OVCH1: variants seen among roughly 807,000 people sequenced by gnomAD.
OVCH1 encodes ovochymase-1.
In OVCH1, 139 loss-of-function variants were observed where a neutral mutation model predicts 138.4. The ratio of observed to expected loss-of-function variants is 1.00; its 90% CI spans 0.87 to 1.16. The LOEUF is 1.16. Among genes scored for constraint, OVCH1 ranks in the 50% most tolerant of loss-of-function variants. The pLI is 0.00. For missense variants in OVCH1, 1,367 were observed against 1,357.9 expected (o/e 1.01, Z -0.11); for synonymous variants, 453 against 467.8 (o/e 0.97, Z 0.41).
At chr12:29,473,079 T>C in exon 15 of OVCH1, 1 of 1,610,002 alleles carries the variant, frequency 6.2e-7, no homozygotes, top group Admixed American at 1.7e-5. Context: ...GGGAGGTAAC[T>C]TTGGTTCAAA....
At chr12:29,417,785 G>GTC (rs1424073502) in intron 3 of OVCH1, among the ~76,000 whole-genome samples, 3 of 142,606 alleles carry the variant, frequency 2.1e-5, no homozygotes, top group Admixed American at 7.3e-5. Context: ...GTGTGTGTGT[G>GTC]TGTGTGTGTC....
intron 27 of OVCH1, among the ~76,000 whole-genome samples, chr12:29,429,719 A>C (rs576633699): frequency 9.9e-5 from 15 of 152,228 alleles, no homozygotes; most frequent in Non-Finnish European, 1.8e-4. Flanking sequence ...GATAATCAAG[A>C]GATGTGATCT....
At chr12:29,420,902 T>C (rs944823220) in intron 3 of OVCH1, among the ~76,000 whole-genome samples, 1 of 152,276 alleles carries the variant, frequency 6.6e-6, no homozygotes, top group Non-Finnish European at 1.5e-5. Flanking sequence ...TGTTCATTGA[T>C]TTGCAAGGTG....
chr12:29,454,137 T>C (rs971493887), intron 21 of OVCH1, among the ~76,000 whole-genome samples: 1 of 150,120 alleles, frequency 6.7e-6, no homozygotes, highest in Admixed American at 6.6e-5. Context: ...ATAGATGATA[T>C]GTACTTTGCT....
the OVCH1 span, among the ~76,000 whole-genome samples, chr12:29,406,503 T>G: frequency 7.3e-6 from 1 of 137,500 alleles, no homozygotes; most frequent in African/African-American, 2.5e-5. Flanking sequence ...CCCCTTCCTG[T>G]GTCCATATGT....
chr12:29,484,632 A>T (rs1262232095), intron 8 of OVCH1, among the ~76,000 whole-genome samples, 81 bp downstream of exon 9: 1 of 152,128 alleles, frequency 6.6e-6, no homozygotes, highest in Non-Finnish European at 1.5e-5. Flanking sequence ...TCAAAAAAAA[A>T]TTGCTGAAGT....
At chr12:29,402,875 A>G in the OVCH1 span, among the ~76,000 whole-genome samples, 1 of 152,012 alleles carries the variant, frequency 6.6e-6, no homozygotes, top group Non-Finnish European at 1.5e-5. Flanking sequence ...AGAGAAAGAG[A>G]GTGAGAAAAG....
In OVCH1 at chr12:29,443,438, G is replaced by A. The variant is rs199557586; in HGVS notation, c.3080C>T (p.Pro1027Leu). 261 of 1,611,054 alleles carry A rather than the reference G, an allele frequency of 1.6e-4. 2 individuals carry two copies. The African/African-American group carries it at 2.9e-3, about 18-fold the overall frequency. Residue 1027 changes from proline to leucine, a missense_variant, in exon 25 of 28, where the codon CCG (proline) becomes CTG (leucine). Coordinates refer to ENST00000318184, the Ensembl canonical transcript of OVCH1. ...ACAGACAAAAGTTGTTGGCTTCATC[G>A]GGAAGTTAATAATATTAAGCTGAAT...
chr12:29,497,591 C>G, intron 1 of OVCH1, 32 bp downstream of exon 1: 1 of 1,612,070 alleles, frequency 6.2e-7, no homozygotes, highest in Non-Finnish European at 8.5e-7. Context: ...CAGCCTCCTC[C>G]GCAGTCCTGG....
chr12:29,481,616 T>C (rs551199937), intron 8 of OVCH1, among the ~76,000 whole-genome samples: 2 of 152,330 alleles, frequency 1.3e-5, no homozygotes, highest in African/African-American at 4.8e-5. Context: ...CTCTTTTCAA[T>C]GCCAAACCTT....
chr12:29,496,221 G>C (rs761206410), exon 3 of OVCH1: 1 of 1,609,356 alleles, frequency 6.2e-7, no homozygotes, highest in African/African-American at 1.3e-5. Context: ...GTAACAACCC[G>C]ATCTTCTTGA....
intron 19 of OVCH1, chr12:29,461,591 G>C (rs1942132731): frequency 5.8e-6 from 3 of 514,530 alleles, no homozygotes; most frequent in Non-Finnish European, 1.1e-5. Context: ...TAGAAGCTCT[G>C]CCATTTCCTG....
At chr12:29,406,559 GGTTTTTTGTTCTTGTGATA>G in the OVCH1 span, among the ~76,000 whole-genome samples, 1 of 151,740 alleles carries the variant, frequency 6.6e-6, no homozygotes, top group Non-Finnish European at 1.5e-5. Flanking sequence ...TACGGTGTTT[GGTTTTTTGTTCTTGTGATA>G]GTTTACTGAG....
At chr12:29,441,600 C>CA (rs1941486550) in intron 25 of OVCH1, among the ~76,000 whole-genome samples, 1 of 152,036 alleles carries the variant, frequency 6.6e-6, no homozygotes, top group East Asian at 1.9e-4. Context: ...GCAATGGCAA[C>CA]AAAAGCCAAA....
chr12:29,496,545 G>A lies in OVCH1; in HGVS notation c.183+11C>T, dbSNP rs111349058. On this transcript the variant is annotated intron_variant, in intron 2 of 27. Coordinates refer to ENST00000318184, the Ensembl canonical transcript of OVCH1. The stretch of plus-strand genomic sequence containing the variant: ...TTCTCATTAAGAAATCAATGCCTTT[G>A]TTGCACTGACCTGCCATGGATGTCC... The A allele has an allele frequency of 5.1e-6, 8 of 1,557,124 alleles. No individual in the cohort carries two copies. In the African/African-American group the frequency reaches 8.2e-5, roughly 16 times the overall value.
rs530319688 is a variant in OVCH1, at chr12:29,451,144, A to G, written c.2755+201T>C. 2.0e-3 allele frequency among the ~76,000 whole-genome samples: 309 copies of G among 152,006 alleles called. 2 individuals carry two copies. The highest frequency in any genetic ancestry group is 7.1e-3 in the African/African-American group (293 of 41,400). ...ACAAACCTGCATGTTCTGCACATGT[A>G]ACCCAGAACTTAAAGTATAATCATA... On this transcript the variant is annotated intron_variant, in intron 22 of 27. Coordinates refer to ENST00000318184, the Ensembl canonical transcript of OVCH1.
In OVCH1 at chr12:29,445,576, C is replaced by T. The variant is rs10161532; in HGVS notation, c.2756-173G>A. ...GACTCACTCAATGCCACAAACTAGC[C>T]GGGTGGGAAGCTAGGATCTTCAACT... On this transcript the variant is annotated intron_variant, in intron 22 of 27. Transcript: ENST00000318184. Among the ~76,000 whole-genome samples, 5,808 of 152,024 alleles carry T rather than the reference C, an allele frequency of 0.038. 332 individuals are homozygous for T. The highest frequency in any genetic ancestry group is 0.13 in the African/African-American group (5,227 of 41,456).
At chr12:29,456,133 G>A (rs1565583008) in intron 19 of OVCH1, among the ~76,000 whole-genome samples, 1 of 152,126 alleles carries the variant, frequency 6.6e-6, no homozygotes, top group Non-Finnish European at 1.5e-5. Flanking sequence ...AACTTACTAG[G>A]ATATTAGATG....
chr12:29,422,446 G>A (rs1244873318), intron 3 of OVCH1, among the ~76,000 whole-genome samples: 1 of 152,138 alleles, frequency 6.6e-6, no homozygotes. Flanking sequence ...CTGAAGGTTG[G>A]TCATTAGAAT....
Sources: gnomAD v4.1 joint callset for allele counts (sites outside exome capture counted in the v4.1 genomes callset) on GRCh38, gnomAD v4.1.1 for gene constraint, MANE v1.5 for transcripts, NCBI Gene and HGNC (gene_info 2026-07-23, HGNC 2026-07-21) for gene names.